MYO16: variants seen among roughly 807,000 people sequenced by gnomAD.
MYO16 encodes unconventional myosin-XVI.
MYO16 carries 94 observed loss-of-function variants against 205.3 expected under a neutral mutation model. The observed-to-expected ratio is 0.46, with a 90% confidence interval of 0.39 to 0.54. The LOEUF (loss-of-function observed/expected upper bound fraction) is 0.54. Ranked by LOEUF, MYO16 falls within the 20% of genes least tolerant of loss-of-function variation. The pLI is 0.00. For missense variants in MYO16, 2,315 were observed against 2,387.5 expected, an observed-to-expected ratio of 0.97 and a Z score of 0.63; for synonymous variants, 988 against 954.0, an observed-to-expected ratio of 1.04 and a Z score of -0.66.
At chr13:108,508,547 A>G in the MYO16 span, among the ~76,000 whole-genome samples, 1 of 152,126 alleles carries the variant, frequency 6.6e-6, no homozygotes, top group African/African-American at 2.4e-5. Context: ...TTTTGTCAGT[A>G]TTCTAAATCA....
chr13:109,194,332 C>G (rs1594176744), intron 34 of MYO16, among the ~76,000 whole-genome samples: 1 of 152,232 alleles, frequency 6.6e-6, no homozygotes, highest in South Asian at 2.1e-4. Flanking sequence ...TGACTAAACT[C>G]AATTGTACCT....
At chr13:108,681,746 C>T (rs1882472963) in intron 2 of MYO16, among the ~76,000 whole-genome samples, 2 of 152,194 alleles carry the variant, frequency 1.3e-5, no homozygotes, top group African/African-American at 4.8e-5. Context: ...ATTTCTAAAG[C>T]CATCCATGTT....
intron 4 of MYO16, among the ~76,000 whole-genome samples, chr13:108,775,172 C>G (rs1886086360): frequency 6.6e-6 from 1 of 152,182 alleles, no homozygotes; most frequent in Non-Finnish European, 1.5e-5. Flanking sequence ...TGTGGCTCTT[C>G]ATTCTGTACA....
chr13:109,204,597 G>C (rs1215382040), intron 34 of MYO16, among the ~76,000 whole-genome samples: 1 of 152,126 alleles, frequency 6.6e-6, no homozygotes, highest in Non-Finnish European at 1.5e-5. Context: ...ACAATAGTTG[G>C]GTTAAGCACA....
chr13:109,167,938 G>A (rs1186378905), intron 33 of MYO16, among the ~76,000 whole-genome samples: 2 of 152,122 alleles, frequency 1.3e-5, no homozygotes, highest in Non-Finnish European at 2.9e-5. Flanking sequence ...AATGCTTAGA[G>A]ATAAAGGAAA....
the MYO16 span, among the ~76,000 whole-genome samples, chr13:108,516,634 A>G: frequency 6.6e-6 from 1 of 152,220 alleles, no homozygotes. Flanking sequence ...GAAATAGACT[A>G]TTATAAACCA....
chr13:109,015,439 T>C (rs539897515), intron 22 of MYO16, among the ~76,000 whole-genome samples: 1,888 of 152,298 alleles, frequency 0.012, 39 homozygotes, highest in African/African-American at 0.043. Context: ...TTGTTGTGTC[T>C]CTGCCAGGCT....
At chr13:108,607,723 A>G (rs1297795366) in intron 1 of MYO16, among the ~76,000 whole-genome samples, 1 of 152,154 alleles carries the variant, frequency 6.6e-6, no homozygotes, top group Non-Finnish European at 1.5e-5. Context: ...TGGTATAGAA[A>G]GAATGGAACC....
chr13:109,043,721 T>C (rs1354772641), intron 23 of MYO16, among the ~76,000 whole-genome samples: 1 of 152,048 alleles, frequency 6.6e-6, no homozygotes. Flanking sequence ...GCTGCAGCCA[T>C]TGGCAGATGA....
Position 108,880,104 on chromosome 13 carries a change from G to A in MYO16, c.1426-2955G>A, listed in dbSNP as rs1309721635. 2.6e-5 allele frequency among the ~76,000 whole-genome samples: 4 copies of A among 152,194 alleles called. No homozygotes were observed. The East Asian group carries it at 7.7e-4, about 29-fold the overall frequency. ...TTGCGGTTTTGATTTGCATTTCTCT[G>A]ATGGCCAGTGATGATGAGCATTTGT... On this transcript the variant is annotated intron_variant, in intron 12 of 34. Transcript: ENST00000457511.
chr13:109,104,864 C>T (rs1889072710), intron 28 of MYO16, among the ~76,000 whole-genome samples: 2 of 152,180 alleles, frequency 1.3e-5, no homozygotes, highest in South Asian at 4.1e-4. Flanking sequence ...TTTAAATTCT[C>T]ACTATCCTCG....
intron 3 of MYO16, among the ~76,000 whole-genome samples, chr13:108,719,623 G>A (rs1024287351): frequency 6.6e-6 from 1 of 152,112 alleles, no homozygotes; most frequent in African/African-American, 2.4e-5. Flanking sequence ...GAATATGTAC[G>A]TTTAACTAAC....
intron 16 of MYO16, among the ~76,000 whole-genome samples, chr13:108,919,413 C>T (rs946609263): frequency 2.6e-5 from 4 of 152,250 alleles, no homozygotes; most frequent in East Asian, 1.9e-4. Context: ...TTTTCTGTCA[C>T]ATCCAATGCA....
At chr13:108,665,480 T>C (rs1881683743) in intron 1 of MYO16, among the ~76,000 whole-genome samples, 1 of 152,116 alleles carries the variant, frequency 6.6e-6, no homozygotes, top group African/African-American at 2.4e-5. Context: ...AAAGCAAATC[T>C]ATTAGGTTGT....
chr13:109,145,941 A>C (rs1390720249), intron 32 of MYO16, among the ~76,000 whole-genome samples: 1 of 152,222 alleles, frequency 6.6e-6, no homozygotes, highest in African/African-American at 2.4e-5. Context: ...AATCAGACTC[A>C]AAATATTTTT....
intron 2 of MYO16, among the ~76,000 whole-genome samples, chr13:108,687,988 A>G (rs1882745643): frequency 6.6e-6 from 1 of 152,162 alleles, no homozygotes; most frequent in Non-Finnish European, 1.5e-5. Context: ...TAGGTTTTTC[A>G]CTCAAAGAAG....
chr13:108,926,600 G>C (rs912007193), intron 16 of MYO16, among the ~76,000 whole-genome samples: 4 of 152,056 alleles, frequency 2.6e-5, no homozygotes, highest in African/African-American at 4.8e-5. Context: ...AAAGTCACCA[G>C]GAACAGGAGG....
the MYO16 span, among the ~76,000 whole-genome samples, chr13:108,561,035 G>T: frequency 1.3e-5 from 2 of 152,040 alleles, no homozygotes; most frequent in African/African-American, 4.8e-5. Context: ...GATGTTATTT[G>T]CTTCCTGTCT....
chr13:109,087,507 G>C (rs550007585), intron 27 of MYO16, among the ~76,000 whole-genome samples: 1 of 152,054 alleles, frequency 6.6e-6, no homozygotes, highest in Non-Finnish European at 1.5e-5. Flanking sequence ...TTAGCTGGGC[G>C]TAGTGGCGGG....
Sources: allele counts gnomAD v4.1 joint callset (sites outside exome capture counted in the v4.1 genomes callset), GRCh38; gene constraint gnomAD v4.1.1; transcripts MANE v1.5; gene names NCBI Gene and HGNC (gene_info 2026-07-23, HGNC 2026-07-21).